The following CCDC60 variants were observed in gnomAD, a reference collection of about 807,000 sequenced individuals.
CCDC60 encodes the protein coiled-coil domain-containing protein 60.
Under a neutral mutation model 63.5 loss-of-function variants are expected in CCDC60, and 54 were observed. That is an observed-to-expected ratio of 0.85 (90% CI 0.68 to 1.07). The LOEUF (loss-of-function observed/expected upper bound fraction) is 1.07, where lower values mean the gene tolerates loss of function less well. CCDC60 is among the 50% of genes least tolerant of loss of function. CCDC60 has a pLI of 0.00. For missense variants in CCDC60, 651 were observed against 684.3 expected (o/e 0.95, Z 0.54); for synonymous variants, 206 against 238.8 (o/e 0.86, Z 1.27).
At chr12:119,429,031 G>A in intron 2 of CCDC60, 1 of 346,548 alleles carries the variant, frequency 2.9e-6, no homozygotes, top group East Asian at 5.1e-5. Context: ...ACTCAAGAGA[G>A]TGTCCCCATG....
At chr12:119,416,842 C>A (rs1187969112) in intron 1 of CCDC60, among the ~76,000 whole-genome samples, 1 of 152,092 alleles carries the variant, frequency 6.6e-6, no homozygotes, top group Non-Finnish European at 1.5e-5. Flanking sequence ...GATTCCCGGC[C>A]GGTCGACGTG....
rs74508361 is a variant in CCDC60 at position 119,392,847 on chromosome 12, G to C, written c.91-35836G>C. ...TGACCCTGGGTCTCGTGTTTGTGAG[G>C]TGCAAGTACTATATAACAGTTTTGT... On this transcript the variant is annotated intron_variant, in intron 1 of 13. Transcript: ENST00000327554. Among the ~76,000 whole-genome samples, 648 of 152,226 alleles carry C rather than the reference G, an allele frequency of 4.3e-3. 3 individuals carry two copies. Among genetic ancestry groups the C allele is most frequent in the African/African-American group, 0.014 (585 of 41,530 alleles).
At chr12:119,413,273 A>C (rs1956638664) in intron 1 of CCDC60, among the ~76,000 whole-genome samples, 1 of 152,188 alleles carries the variant, frequency 6.6e-6, no homozygotes, top group Non-Finnish European at 1.5e-5. Context: ...GCTGGCAGCC[A>C]ATTTCCATTT....
chr12:119,380,010 A>G (rs1393931327), intron 1 of CCDC60, among the ~76,000 whole-genome samples: 1 of 152,228 alleles, frequency 6.6e-6, no homozygotes, highest in African/African-American at 2.4e-5. Flanking sequence ...GCAAGAAAGT[A>G]TCTCAATGCC....
intron 2 of CCDC60, among the ~76,000 whole-genome samples, chr12:119,458,040 G>C (rs956458405): frequency 6.6e-6 from 1 of 152,152 alleles, no homozygotes; most frequent in Non-Finnish European, 1.5e-5. Context: ...TGGTGTTTCA[G>C]ATCCCTTCAT....
At chr12:119,514,983 T>G (rs1006356353) in intron 7 of CCDC60, among the ~76,000 whole-genome samples, 7 of 152,258 alleles carry the variant, frequency 4.6e-5, no homozygotes, top group African/African-American at 1.7e-4. Context: ...AGTAACATGC[T>G]GTACAGGTTT....
intron 2 of CCDC60, among the ~76,000 whole-genome samples, chr12:119,447,069 G>T (rs1950556471): frequency 6.6e-6 from 1 of 152,152 alleles, no homozygotes; most frequent in Non-Finnish European, 1.5e-5. Context: ...CTTTCATACT[G>T]ACACAGCTCA....
chr12:119,523,262 A>G lies in CCDC60; in HGVS notation c.1103+261A>G, dbSNP rs111906449. ...GTCTTCATTACCTTGCTTGTTCCTCAAAACCAATCCTATGAGGCAGGAGGA... is the reference window on the plus strand; with the variant it reads ...GTCTTCATTACCTTGCTTGTTCCTCGAAACCAATCCTATGAGGCAGGAGGA... On this transcript the variant is annotated intron_variant, in intron 10 of 13. Coordinates refer to ENST00000327554, the MANE Select transcript of CCDC60 (RefSeq NM_178499.5). Among the ~76,000 whole-genome samples, 988 of 152,318 alleles carry G rather than the reference A, an allele frequency of 6.5e-3. 7 individuals carry two copies. The highest frequency in any genetic ancestry group is 0.022 in the African/African-American group (934 of 41,560).
chr12:119,494,680 C>A (rs555227700), intron 5 of CCDC60, among the ~76,000 whole-genome samples: 1 of 151,770 alleles, frequency 6.6e-6, no homozygotes, highest in East Asian at 1.9e-4. Flanking sequence ...TTTGAGGTTT[C>A]AAATATGACA....
At chr12:119,484,877 T>C (rs1212624783) in intron 4 of CCDC60, among the ~76,000 whole-genome samples, 1 of 152,190 alleles carries the variant, frequency 6.6e-6, no homozygotes, top group Non-Finnish European at 1.5e-5. Flanking sequence ...CTGTAGGTTG[T>C]AGGCTCACGG....
chr12:119,467,013 C>T (rs543953970), intron 2 of CCDC60, among the ~76,000 whole-genome samples: 1 of 152,308 alleles, frequency 6.6e-6, no homozygotes, highest in South Asian at 2.1e-4. Context: ...CCAAAAGTTA[C>T]CACCTTTTCC....
At chr12:119,458,594 G>C (rs1460080921) in intron 2 of CCDC60, among the ~76,000 whole-genome samples, 2 of 152,138 alleles carry the variant, frequency 1.3e-5, no homozygotes, top group African/African-American at 4.8e-5. Flanking sequence ...CCTGAGAAGA[G>C]GGCTGGGAAG....
intron 1 of CCDC60, among the ~76,000 whole-genome samples, chr12:119,416,532 A>G (rs894057512): frequency 6.6e-6 from 1 of 152,206 alleles, no homozygotes; most frequent in African/African-American, 2.4e-5. Flanking sequence ...AGGCCCTTAC[A>G]CAAAGAACAA....
intron 4 of CCDC60, among the ~76,000 whole-genome samples, chr12:119,479,995 T>TACACACACACACACAC (rs56080581): frequency 1.6e-5 from 2 of 121,976 alleles, no homozygotes; most frequent in East Asian, 2.5e-4. Context: ...CCGTACATCA[T>TACACACACACACACAC]ACACACACAC....
intron 2 of CCDC60, among the ~76,000 whole-genome samples, chr12:119,458,232 G>A (rs929396516): frequency 6.6e-6 from 1 of 152,202 alleles, no homozygotes. Flanking sequence ...AATTTCCCAT[G>A]TAGGCAATTC....
intron 10 of CCDC60, 113 bp from the exon 11 acceptor site, chr12:119,523,580 G>T: frequency 6.8e-7 from 1 of 1,463,624 alleles, no homozygotes; most frequent in Non-Finnish European, 9.2e-7. Context: ...GGTGGCTACA[G>T]GGAGTCCCCC....
intron 1 of CCDC60, among the ~76,000 whole-genome samples, chr12:119,400,596 T>C (rs1385564363): frequency 6.6e-6 from 1 of 152,252 alleles, no homozygotes; most frequent in African/African-American, 2.4e-5. Flanking sequence ...CCAGTTGGGT[T>C]TAATCCAGTG....
Position 119,456,690 on chromosome 12 carries a change from A to C in CCDC60, c.171-15304A>C, listed in dbSNP as rs1437982896. ...TATGGTTATTTCCTGATGATATGCT[A>C]AACAAGGGGTGGATTATTGATGCCT... On this transcript the variant is annotated intron_variant, in intron 2 of 13. Coordinates refer to ENST00000327554, the MANE Select transcript of CCDC60 (RefSeq NM_178499.5). This position sits in a 1 kb window ranked among gnomAD's most constrained non-coding sequence, Gnocchi z 4.6. Among the ~76,000 whole-genome samples, 1 of 152,242 alleles carries C rather than the reference A, an allele frequency of 6.6e-6. No homozygotes were observed. Among genetic ancestry groups the C allele is most frequent in the African/African-American group, 2.4e-5 (1 of 41,470 alleles).
intron 1 of CCDC60, among the ~76,000 whole-genome samples, chr12:119,354,025 T>C (rs1245125946): frequency 1.3e-5 from 2 of 151,842 alleles, no homozygotes; most frequent in Non-Finnish European, 2.9e-5. Flanking sequence ...TCTCACCCTC[T>C]TTCTAGCTAT....
Sources: gnomAD v4.1 joint callset for allele counts (sites outside exome capture counted in the v4.1 genomes callset) on GRCh38, gnomAD v4.1.1 for gene constraint, Gnocchi (gnomAD v3.1) non-coding constraint, MANE v1.5 for transcripts, NCBI Gene and HGNC (gene_info 2026-07-23, HGNC 2026-07-21) for gene names.